The following STXBP5L variants were observed in gnomAD, a reference collection of about 807,000 sequenced individuals.
STXBP5L encodes syntaxin-binding protein 5-like.
Under a neutral mutation model 144.5 loss-of-function variants are expected in STXBP5L, and 65 were observed. The observed-to-expected ratio is 0.45, with a 90% CI of 0.37 to 0.55. The LOEUF is 0.55. STXBP5L is among the 20% of genes least tolerant of loss of function. The pLI is 0.00. For synonymous variants in STXBP5L, 505 were observed against 469.6 expected, an observed-to-expected ratio of 1.08 and a Z score of -0.97; for missense variants, 1,298 against 1,405.5, an observed-to-expected ratio of 0.92 and a Z score of 1.22.
At chr3:121,112,370 C>T (rs1230776697) in intron 5 of STXBP5L, among the ~76,000 whole-genome samples, 5 of 152,140 alleles carry the variant, frequency 3.3e-5, no homozygotes, top group Non-Finnish European at 7.3e-5. Flanking sequence ...ACACTCACCA[C>T]CTTGCTTGGC....
chr3:121,358,141 G>A (rs938482060), intron 20 of STXBP5L, among the ~76,000 whole-genome samples: 1 of 152,172 alleles, frequency 6.6e-6, no homozygotes, highest in South Asian at 2.1e-4. Flanking sequence ...TCTTTAAGTT[G>A]TTTTAAAAGA....
At chr3:121,279,463 A>G (rs1232524744) in intron 18 of STXBP5L, among the ~76,000 whole-genome samples, 1 of 151,926 alleles carries the variant, frequency 6.6e-6, no homozygotes, top group East Asian at 1.9e-4. Context: ...GACATTTCTT[A>G]ACCTATCTCC....
chr3:121,366,441 T>TATTTATAA (rs1560025533), intron 20 of STXBP5L, among the ~76,000 whole-genome samples: 1 of 152,024 alleles, frequency 6.6e-6, no homozygotes. Flanking sequence ...GAGGCTTAAA[T>TATTTATAA]ATTTATAATT....
At chr3:120,963,387 A>C (rs528445486) in intron 3 of STXBP5L, among the ~76,000 whole-genome samples, 5 of 152,360 alleles carry the variant, frequency 3.3e-5, no homozygotes, top group Admixed American at 2.0e-4. Flanking sequence ...GTTTTTGCCC[A>C]TTCAGTATGA....
At chr3:120,977,906 A>G (rs945910116) in intron 3 of STXBP5L, among the ~76,000 whole-genome samples, 44 of 152,236 alleles carry the variant, frequency 2.9e-4, no homozygotes, top group African/African-American at 9.6e-4. Flanking sequence ...TTTTCTGCCA[A>G]GAGATCTGCT....
chr3:121,002,539 A>G (rs1238413695), intron 3 of STXBP5L, among the ~76,000 whole-genome samples: 4 of 152,134 alleles, frequency 2.6e-5, no homozygotes, highest in African/African-American at 7.2e-5. Flanking sequence ...TCAGTTTGAT[A>G]TAGTCCCATT....
At chr3:121,048,954 A>G (rs1947729685) in intron 5 of STXBP5L, among the ~76,000 whole-genome samples, 1 of 152,094 alleles carries the variant, frequency 6.6e-6, no homozygotes, top group African/African-American at 2.4e-5. Flanking sequence ...CCCAACCACT[A>G]TATGTCCTCT....
At position 120,909,761 on chromosome 3, in the gene STXBP5L, T is replaced by G; in HGVS notation, c.183T>G (p.Ile61Met). ...QETLTSEYFQ[I>M]CKTVRHGFPH... Reference sequence around the variant, plus strand: ...CTTTGACTTCGGAGTATTTCCAGATTTGCAAGGTAAGTTTTGAATTGGCTT... The same window carrying G: ...CTTTGACTTCGGAGTATTTCCAGATGTGCAAGGTAAGTTTTGAATTGGCTT... The change falls in exon 2 of 27, where the codon ATT (isoleucine) becomes ATG (methionine). Residue 61 changes from isoleucine (I) to methionine (M), a missense_variant. Ile to Met is a conservative substitution (Grantham distance 10, BLOSUM62 1). Transcript: ENST00000471454. The G allele has an allele frequency of 1.2e-6, 2 of 1,611,550 alleles. No homozygotes were observed. Among genetic ancestry groups the G allele is most frequent in the Middle Eastern group, 1.7e-4 (1 of 6,048 alleles).
At chr3:120,981,569 G>T (rs556987658) in intron 3 of STXBP5L, among the ~76,000 whole-genome samples, 1 of 151,950 alleles carries the variant, frequency 6.6e-6, no homozygotes, top group African/African-American at 2.4e-5. Context: ...GTAAGTTTTC[G>T]ATTCATATTC....
At chr3:121,272,038 C>T (rs2050749947) in intron 18 of STXBP5L, among the ~76,000 whole-genome samples, 1 of 152,216 alleles carries the variant, frequency 6.6e-6, no homozygotes, top group Non-Finnish European at 1.5e-5. Flanking sequence ...AAGATTTGGT[C>T]TAACATGTTA....
intron 2 of STXBP5L, among the ~76,000 whole-genome samples, chr3:120,918,027 G>T (rs1204704667): frequency 6.6e-6 from 1 of 152,188 alleles, no homozygotes; most frequent in Non-Finnish European, 1.5e-5. Flanking sequence ...CTGTAGAGGA[G>T]ATTTTGTTTT....
At chr3:121,162,486 A>G (rs967048979) in intron 9 of STXBP5L, among the ~76,000 whole-genome samples, 5 of 152,202 alleles carry the variant, frequency 3.3e-5, no homozygotes, top group South Asian at 2.1e-4. Flanking sequence ...AACCTAGGCA[A>G]TACCATTCAG....
chr3:121,390,934 T>G (rs1249503074), intron 22 of STXBP5L, among the ~76,000 whole-genome samples: 2 of 152,220 alleles, frequency 1.3e-5, no homozygotes, highest in African/African-American at 4.8e-5. Context: ...TGGCCTGCCT[T>G]GCTAAGTTGG....
At chr3:121,184,142 C>A (rs953752705) in intron 9 of STXBP5L, among the ~76,000 whole-genome samples, 4 of 151,706 alleles carry the variant, frequency 2.6e-5, no homozygotes, top group Admixed American at 1.3e-4. Context: ...TTCAATAAAC[C>A]AGAATGCCTC....
Position 121,206,532 on chromosome 3 carries a change from G to A in STXBP5L, c.956+531G>A, listed in dbSNP as rs2048341253. ...GTGTTTAAAGTAGCTATATCCGGCT[G>A]GGTGCCCTGCCTCACGCCTGTAACC... On this transcript the variant is annotated intron_variant, in intron 10 of 26. Transcript: ENST00000471454. 2.0e-5 allele frequency among the ~76,000 whole-genome samples: 3 copies of A among 152,110 alleles called. No individual in the cohort carries two copies. The South Asian group carries it at 6.2e-4, about 32-fold the overall frequency.
chr3:121,058,483 A>G (rs1004247723), intron 5 of STXBP5L, among the ~76,000 whole-genome samples: 14 of 152,246 alleles, frequency 9.2e-5, no homozygotes, highest in East Asian at 1.9e-4. Flanking sequence ...TCCTTTGGTT[A>G]TATACCCAGT....
chr3:121,017,777 TC>T (rs1945244042), intron 3 of STXBP5L, among the ~76,000 whole-genome samples: 2 of 148,152 alleles, frequency 1.3e-5, no homozygotes, highest in East Asian at 3.9e-4. Context: ...TCATAGAAGA[TC>T]TAAATAAATG....
At chr3:121,233,469 G>T in intron 11 of STXBP5L, 147 bp from the exon 12 acceptor site, 1 of 493,228 alleles carries the variant, frequency 2.0e-6, no homozygotes, top group Non-Finnish European at 3.5e-6. Flanking sequence ...TTTTTTAAGT[G>T]CTCTTTGTTA....
chr3:121,106,046 G>T (rs1048890397), intron 5 of STXBP5L, among the ~76,000 whole-genome samples: 1 of 151,936 alleles, frequency 6.6e-6, no homozygotes, highest in Non-Finnish European at 1.5e-5. Flanking sequence ...ATCATTAATG[G>T]CCCAATTGAA....
Sources: gnomAD v4.1 joint callset for allele counts (sites outside exome capture counted in the v4.1 genomes callset) on GRCh38, gnomAD v4.1.1 for gene constraint, MANE v1.5 for transcripts, NCBI Gene and HGNC (gene_info 2026-07-23, HGNC 2026-07-21) for gene names.